KCNQ3: variants seen among roughly 807,000 people sequenced by gnomAD.
The protein encoded by KCNQ3 is potassium voltage-gated channel subfamily Q member 3.
In KCNQ3, 30 loss-of-function variants were observed where a neutral mutation model predicts 92.5. The observed-to-expected ratio is 0.32, with a 90% CI of 0.24 to 0.44. KCNQ3 has a LOEUF of 0.44. KCNQ3 is among the 20% of genes least tolerant of loss of function. KCNQ3 has a pLI of 1.00. For synonymous variants in KCNQ3, 450 were observed against 468.8 expected (o/e 0.96, Z 0.52); for missense variants, 913 against 1,140.3 (o/e 0.80, Z 2.87).
chr8:132,172,074 C>T (rs933516734), intron 7 of KCNQ3, among the ~76,000 whole-genome samples: 3 of 151,972 alleles, frequency 2.0e-5, no homozygotes, highest in Admixed American at 2.0e-4. Flanking sequence ...GTGGTCCCAA[C>T]TACTCAGGAG....
intron 1 of KCNQ3, among the ~76,000 whole-genome samples, chr8:132,277,533 G>A (rs921834487): frequency 2.6e-5 from 4 of 152,200 alleles, no homozygotes; most frequent in African/African-American, 4.8e-5. Flanking sequence ...AGTAGACAAG[G>A]AGGCATGGGG....
At chr8:132,201,849 G>T (rs1263878952) in intron 1 of KCNQ3, among the ~76,000 whole-genome samples, 1 of 152,156 alleles carries the variant, frequency 6.6e-6, no homozygotes, top group East Asian at 1.9e-4. Flanking sequence ...CCCTAGCGAG[G>T]TCTCTCTGTA....
chr8:132,333,216 A>C (rs1285841781), intron 1 of KCNQ3, among the ~76,000 whole-genome samples: 1 of 152,218 alleles, frequency 6.6e-6, no homozygotes, highest in Non-Finnish European at 1.5e-5. Flanking sequence ...CCTAAAGCAG[A>C]GCAAGCCTTA....
rs981523984 is a variant in KCNQ3, at chr8:132,123,082, G to A, written c.*6180C>T. 1.3e-5 allele frequency: 2 copies of A among 152,142 alleles called. No homozygotes were observed. The highest frequency in any genetic ancestry group is 6.6e-5 in the Admixed American group (1 of 15,256). 9.4% of individuals were successfully genotyped at this position (152,142 alleles called of 1,614,324 possible). A position where few individuals can be genotyped will look rare whatever the true frequency, so the allele number is the denominator to read the frequency against. ...CCTTTGGTAAAACTGGCCACTTTGG[G>A]TCATATAGATCCCAAAAGAAATCAT... On this transcript the variant is annotated 3_prime_UTR_variant, in exon 15 of 15. Coordinates refer to ENST00000388996, the MANE Select transcript of KCNQ3 (RefSeq NM_004519.4).
At position 132,129,584 on chromosome 8, in the gene KCNQ3, A is replaced by C; in HGVS notation, c.2297T>G (p.Leu766Arg). The C allele has an allele frequency of 6.2e-7, 1 of 1,614,160 alleles. No homozygotes were observed. Among genetic ancestry groups the C allele is most frequent in the South Asian group, 1.1e-5 (1 of 91,080 alleles). Reference sequence around the variant, plus strand: ...GATTCGGTCCGAGTAGGGGCCCTGCAGGTCAGCCTGGGAGTGGCAGCTCAC... The same window carrying C: ...GATTCGGTCCGAGTAGGGGCCCTGCCGGTCAGCCTGGGAGTGGCAGCTCAC... Reference protein sequence around the residue: ...SRVSCHSQADLQGPYSDRISP... With the variant: ...SRVSCHSQADRQGPYSDRISP... Residue 766 changes from leucine to arginine, a missense_variant, in exon 15 of 15, where the codon CTG becomes CGG. Leu to Arg is a moderately radical substitution (Grantham distance 102). This residue lies in a region of KCNQ3 where 375 missense variants were observed against 376.4 expected (regional missense o/e 1.00). Transcript: ENST00000388996. The surrounding 1 kb of genome is among the most constrained non-coding windows in gnomAD (Gnocchi z 5.9).
chr8:132,406,023 G>A lies in KCNQ3; in HGVS notation c.386+74124C>T, dbSNP rs192491204. ...CCCAGGTGGGTGGCAGTGTGTGTGT[G>A]GGTGACTTAAATTTTCTGTGCGACA... On this transcript the variant is annotated intron_variant, in intron 1 of 14. Coordinates refer to ENST00000388996, the MANE Select transcript of KCNQ3 (RefSeq NM_004519.4). Among the ~76,000 whole-genome samples the A allele has an allele frequency of 1.8e-3, 278 of 152,248 alleles. 1 individual carries two copies. Among genetic ancestry groups the A allele is most frequent in the African/African-American group, 6.4e-3 (266 of 41,538 alleles).
intron 1 of KCNQ3, among the ~76,000 whole-genome samples, chr8:132,349,682 G>T (rs1818800830): frequency 6.6e-6 from 1 of 152,186 alleles, no homozygotes; most frequent in Non-Finnish European, 1.5e-5. Context: ...CAGGAGACCT[G>T]CAGAGCAGAC....
intron 1 of KCNQ3, among the ~76,000 whole-genome samples, chr8:132,396,290 C>G (rs1026648778): frequency 6.6e-6 from 1 of 151,998 alleles, no homozygotes; most frequent in African/African-American, 2.4e-5. Flanking sequence ...CTAACCACTA[C>G]GTACACTGAC....
Position 132,473,776 on chromosome 8 carries a change from T to C in KCNQ3, c.386+6371A>G, listed in dbSNP as rs189554229. Among the ~76,000 whole-genome samples the C allele has an allele frequency of 6.4e-3, 975 of 152,266 alleles. 13 individuals are homozygous for C. Among genetic ancestry groups the C allele is most frequent in the African/African-American group, 0.023 (935 of 41,552 alleles). ...GGCCCAAATTTATCTTACCTCCAAA[T>C]TGGGAAGACTCTGCATTACCGACAG... On this transcript the variant is annotated intron_variant, in intron 1 of 14. Transcript: ENST00000388996.
chr8:132,463,825 T>C lies in KCNQ3; in HGVS notation c.386+16322A>G, dbSNP rs147289762. On this transcript the variant is annotated intron_variant, in intron 1 of 14. Transcript: ENST00000388996. The stretch of plus-strand genomic sequence containing the variant: ...TTCAGTGACATCATTTTTTCTTTTA[T>C]TCTTTGAGATGGAGTTTTCCTCTGA... Among the ~76,000 whole-genome samples the C allele has an allele frequency of 8.3e-3, 1,260 of 152,358 alleles. 22 individuals carry two copies. Among genetic ancestry groups the C allele is most frequent in the African/African-American group, 0.029 (1,200 of 41,584 alleles).
chr8:132,312,492 G>A (rs1216943919), intron 1 of KCNQ3, among the ~76,000 whole-genome samples: 1 of 152,076 alleles, frequency 6.6e-6, no homozygotes, highest in Non-Finnish European at 1.5e-5. Flanking sequence ...GGGGCTTCAA[G>A]TGCAGGGGGT....
intron 1 of KCNQ3, among the ~76,000 whole-genome samples, chr8:132,473,555 A>G (rs760192802): frequency 6.6e-6 from 1 of 152,244 alleles, no homozygotes; most frequent in Non-Finnish European, 1.5e-5. Flanking sequence ...CAGAGAAGGC[A>G]TTAAAAATAT....
chr8:132,389,865 A>T (rs183479674), intron 1 of KCNQ3, among the ~76,000 whole-genome samples: 1 of 152,356 alleles, frequency 6.6e-6, no homozygotes. Context: ...ACACCTAGAC[A>T]TTATGTAATG....
chr8:132,255,547 G>A (rs1233453711), intron 1 of KCNQ3, among the ~76,000 whole-genome samples: 1 of 152,164 alleles, frequency 6.6e-6, no homozygotes, highest in Non-Finnish European at 1.5e-5. Flanking sequence ...AGAGATAAGT[G>A]CATACCCAAT....
chr8:132,213,502 C>A (rs943302325), intron 1 of KCNQ3, among the ~76,000 whole-genome samples: 2 of 152,208 alleles, frequency 1.3e-5, no homozygotes, highest in African/African-American at 4.8e-5. Flanking sequence ...CCAAGAATGG[C>A]TGCTGACAAC....
At chr8:132,372,306 A>C (rs1212353267) in intron 1 of KCNQ3, among the ~76,000 whole-genome samples, 1 of 152,128 alleles carries the variant, frequency 6.6e-6, no homozygotes, top group African/African-American at 2.4e-5. Context: ...CCAAAATCAG[A>C]CTGTCTCTGA....
At chr8:132,453,352 T>G (rs1192237887) in intron 1 of KCNQ3, among the ~76,000 whole-genome samples, 4 of 151,898 alleles carry the variant, frequency 2.6e-5, no homozygotes, top group Non-Finnish European at 1.5e-5. Flanking sequence ...TGGCTGCCGG[T>G]TGGAGAATGG....
At chr8:132,382,310 TG>T (rs1819773323) in intron 1 of KCNQ3, among the ~76,000 whole-genome samples, 1 of 152,108 alleles carries the variant, frequency 6.6e-6, no homozygotes, top group Admixed American at 6.5e-5. Flanking sequence ...TAGTAATGAG[TG>T]AGTTCCCACT....
intron 1 of KCNQ3, among the ~76,000 whole-genome samples, chr8:132,215,084 G>A (rs1813983244): frequency 6.6e-6 from 1 of 152,180 alleles, no homozygotes; most frequent in Non-Finnish European, 1.5e-5. Context: ...CCTGGCTGGA[G>A]AAGGCAGATG....
Sources: gnomAD v4.1 joint callset for allele counts (sites outside exome capture counted in the v4.1 genomes callset) on GRCh38, gnomAD v4.1.1 for gene constraint, gnomAD v4.1.1 regional missense constraint, Gnocchi (gnomAD v3.1) non-coding constraint, MANE v1.5 for transcripts, NCBI Gene and HGNC (gene_info 2026-07-23, HGNC 2026-07-21) for gene names.